Variants in SIPA1L1 observed in about 807,000 individuals in gnomAD.
SIPA1L1 encodes the protein signal induced proliferation associated 1 like 1.
In SIPA1L1, 26 loss-of-function variants were observed where a neutral mutation model predicts 162.7. That is an observed-to-expected ratio of 0.16 (90% CI 0.12 to 0.22). The LOEUF (loss-of-function observed/expected upper bound fraction) is 0.22, where lower values mean the gene tolerates loss of function less well. Among genes scored for constraint, SIPA1L1 ranks in the 10% least tolerant of loss-of-function variants. The pLI is 1.00. For missense variants in SIPA1L1, 1,874 were observed against 2,241.0 expected (o/e 0.84, Z 3.31); for synonymous variants, 829 against 837.4 (o/e 0.99, Z 0.17).
chr14:71,683,479 G>A (rs753200687), intron 12 of SIPA1L1, among the ~76,000 whole-genome samples: 10 of 152,148 alleles, frequency 6.6e-5, no homozygotes, highest in Non-Finnish European at 1.5e-4. Context: ...TTGGTAAAAT[G>A]TAATATTTTT....
chr14:71,551,824 G>A (rs372646071), intron 4 of SIPA1L1, among the ~76,000 whole-genome samples: 1 of 151,984 alleles, frequency 6.6e-6, no homozygotes, highest in African/African-American at 2.4e-5. Context: ...CTTTCCACTT[G>A]CTCTTCCCTC....
chr14:71,359,654 TG>T (rs2037611090), intron 2 of SIPA1L1, among the ~76,000 whole-genome samples: 1 of 152,218 alleles, frequency 6.6e-6, no homozygotes, highest in South Asian at 2.1e-4. Flanking sequence ...TCAGTCCTAC[TG>T]GTTGTTTTTT....
chr14:71,409,512 A>C (rs1437323386), intron 2 of SIPA1L1, among the ~76,000 whole-genome samples: 1 of 152,224 alleles, frequency 6.6e-6, no homozygotes, highest in African/African-American at 2.4e-5. Flanking sequence ...CTTACAGGGA[A>C]GGGAAAGGTG....
chr14:71,400,610 G>A (rs944962119), intron 2 of SIPA1L1, among the ~76,000 whole-genome samples: 4 of 151,364 alleles, frequency 2.6e-5, no homozygotes, highest in Admixed American at 6.6e-5. Context: ...AATGAGTGTT[G>A]TGTTAACCTG....
In SIPA1L1 at chr14:71,446,906, G is replaced by GTTTTTTTTTTTTTTTT. The variant is rs1189940440; in HGVS notation, c.-464-65829_-464-65814dup. Among the ~76,000 whole-genome samples, 67 of 53,236 alleles carry GTTTTTTTTTTTTTTTT rather than the reference G, an allele frequency of 1.3e-3. 3 individuals carry two copies. The highest frequency in any genetic ancestry group is 3.8e-3 in the East Asian group (5 of 1,320). 34.9% of individuals were successfully genotyped at this position (53,236 alleles called of 152,430 possible). A position where few individuals can be genotyped will look rare whatever the true frequency, so the allele number is the denominator to read the frequency against. ...AGAGATGGGCTCTGTTTTTTTTTTTGTTTTTTTTTTTTTTTTTTTTTTTGA... is the reference window on the plus strand; with the variant it reads ...AGAGATGGGCTCTGTTTTTTTTTTTGTTTTTTTTTTTTTTTTTTTTTTTTTTTTTTTTTTTTTTTGA... On this transcript the variant is annotated intron_variant, in intron 2 of 23. Transcript: ENST00000381232.
At chr14:71,424,963 C>G (rs77702674) in intron 2 of SIPA1L1, among the ~76,000 whole-genome samples, 1 of 151,840 alleles carries the variant, frequency 6.6e-6, no homozygotes, top group African/African-American at 2.4e-5. Flanking sequence ...CTTAGGTTTT[C>G]TGTTTCTTCA....
chr14:71,606,719 C>G (rs1434077532), intron 5 of SIPA1L1, among the ~76,000 whole-genome samples: 2 of 151,982 alleles, frequency 1.3e-5, no homozygotes, highest in Non-Finnish European at 2.9e-5. Context: ...AGTCTCTCCA[C>G]GCTCCCAACC....
chr14:71,580,984 GTCTA>G (rs1043518421), intron 4 of SIPA1L1, among the ~76,000 whole-genome samples: 16 of 152,186 alleles, frequency 1.1e-4, no homozygotes, highest in African/African-American at 3.1e-4. Flanking sequence ...CTGCCTGCCT[GTCTA>G]TCTGTCTATC....
chr14:71,661,517 G>A (rs372812360), intron 10 of SIPA1L1, 50 bp downstream of exon 10: 22 of 1,573,626 alleles, frequency 1.4e-5, no homozygotes, highest in Admixed American at 1.7e-5. Flanking sequence ...GCTGGTTATC[G>A]CATAGAGGCC....
intron 7 of SIPA1L1, among the ~76,000 whole-genome samples, chr14:71,645,357 C>T (rs1478367103): frequency 6.6e-6 from 1 of 152,154 alleles, no homozygotes; most frequent in African/African-American, 2.4e-5. Flanking sequence ...TACGTATTCA[C>T]AGGATCTAGG....
chr14:71,632,452 T>TAAC (rs1018879946), intron 7 of SIPA1L1, among the ~76,000 whole-genome samples: 4 of 152,140 alleles, frequency 2.6e-5, no homozygotes, highest in South Asian at 4.2e-4. Flanking sequence ...AAAAAGAAGC[T>TAAC]AACAACAACA....
At chr14:71,374,262 C>G (rs1209292528) in intron 2 of SIPA1L1, among the ~76,000 whole-genome samples, 1 of 152,084 alleles carries the variant, frequency 6.6e-6, no homozygotes, top group Non-Finnish European at 1.5e-5. Flanking sequence ...TAGTATTTTA[C>G]TAAATGCTTT....
chr14:71,449,346 TTTTG>T (rs2045643097), intron 2 of SIPA1L1, among the ~76,000 whole-genome samples: 2 of 152,236 alleles, frequency 1.3e-5, no homozygotes, highest in African/African-American at 2.4e-5. Flanking sequence ...CAGATTGGGC[TTTTG>T]TTTTTTTCTC....
chr14:71,432,999 TAG>T (rs1338070330), intron 2 of SIPA1L1, among the ~76,000 whole-genome samples: 2 of 152,140 alleles, frequency 1.3e-5, no homozygotes, highest in African/African-American at 4.8e-5. Flanking sequence ...ATCTTTTGCT[TAG>T]AGTGTGAATG....
chr14:71,701,951 C>A (rs569341769), intron 14 of SIPA1L1, among the ~76,000 whole-genome samples: 1 of 152,250 alleles, frequency 6.6e-6, no homozygotes, highest in Admixed American at 6.5e-5. Flanking sequence ...TAGTAAACTA[C>A]CAAGTTAAGA....
intron 2 of SIPA1L1, among the ~76,000 whole-genome samples, chr14:71,510,671 CTG>C (rs1277512157): frequency 6.6e-6 from 1 of 152,124 alleles, no homozygotes. Flanking sequence ...CACTTCATAG[CTG>C]TGTCACTTTT....
intron 2 of SIPA1L1, among the ~76,000 whole-genome samples, chr14:71,427,628 A>T (rs2043669858): frequency 6.6e-6 from 1 of 152,052 alleles, no homozygotes; most frequent in South Asian, 2.1e-4. Flanking sequence ...TGTTTCTCAG[A>T]CTTGATCATT....
At chr14:71,474,186 AT>A (rs1332677304) in intron 2 of SIPA1L1, among the ~76,000 whole-genome samples, 6 of 152,262 alleles carry the variant, frequency 3.9e-5, no homozygotes, top group Non-Finnish European at 8.8e-5. Flanking sequence ...GATAATGCAA[AT>A]AAAAATGAGC....
At chr14:71,687,138 C>T (rs2080929428) in intron 13 of SIPA1L1, among the ~76,000 whole-genome samples, 2 of 152,142 alleles carry the variant, frequency 1.3e-5, no homozygotes, top group African/African-American at 4.8e-5. Flanking sequence ...TTAAAACAGA[C>T]AAACCAAAAA....
Sources: allele counts gnomAD v4.1 joint callset (sites outside exome capture counted in the v4.1 genomes callset), GRCh38; gene constraint gnomAD v4.1.1; transcripts MANE v1.5; gene names NCBI Gene and HGNC (gene_info 2026-07-23, HGNC 2026-07-21).